The following TMTC1 variants were observed in gnomAD, a reference collection of about 807,000 sequenced individuals.
TMTC1 encodes the protein protein O-mannosyl-transferase TMTC1.
In TMTC1, 73 loss-of-function variants were observed where a neutral mutation model predicts 104.8. That is an observed-to-expected ratio of 0.70 (90% CI 0.58 to 0.85). The LOEUF (loss-of-function observed/expected upper bound fraction) is 0.85, where lower values mean the gene tolerates loss of function less well. Among genes scored for constraint, TMTC1 ranks in the 40% least tolerant of loss-of-function variants. The probability of loss-of-function intolerance (pLI) is 0.00; values close to 1 mark genes in which losing one functional copy is unlikely to be tolerated. For missense variants in TMTC1, 1,035 were observed against 1,096.1 expected, an observed-to-expected ratio of 0.94 and a Z score of 0.79; for synonymous variants, 434 against 428.7, an observed-to-expected ratio of 1.01 and a Z score of -0.15.
chr12:29,722,793 C>T lies in TMTC1; in HGVS notation c.938+28873G>A, dbSNP rs567272630. Among the ~76,000 whole-genome samples the T allele has an allele frequency of 1.1e-3, 165 of 151,744 alleles. No individual in the cohort carries two copies. In the Middle Eastern group the frequency reaches 0.014, roughly 13 times the overall value. On this transcript the variant is annotated intron_variant, in intron 5 of 17. Transcript: ENST00000539277. ...AAAAACAGCAGGGTGTGGTGGCACGCGCCTATAGTCCCAGCTATTTGGGAG... is the reference window on the plus strand; with the variant it reads ...AAAAACAGCAGGGTGTGGTGGCACGTGCCTATAGTCCCAGCTATTTGGGAG...
At chr12:29,701,386 C>T (rs1941590679) in intron 5 of TMTC1, among the ~76,000 whole-genome samples, 1 of 152,192 alleles carries the variant, frequency 6.6e-6, no homozygotes, top group African/African-American at 2.4e-5. Context: ...GAAACTAAGG[C>T]AGGTCCATTC....
chr12:29,602,031 TC>T (rs1946580890), intron 7 of TMTC1, among the ~76,000 whole-genome samples: 1 of 152,020 alleles, frequency 6.6e-6, no homozygotes, highest in Non-Finnish European at 1.5e-5. Context: ...AGACGGGGTT[TC>T]ACTGTGTTAG....
intron 17 of TMTC1, 105 bp from the exon 18 acceptor site, chr12:29,507,091 G>T: frequency 2.2e-6 from 2 of 909,946 alleles, no homozygotes; most frequent in Non-Finnish European, 1.7e-6. Context: ...TTACATTAAT[G>T]TTCTCATATG....
rs770219710 is a variant in TMTC1 at position 29,579,749 on chromosome 12, C to T, written c.1418+3658G>A. On this transcript the variant is annotated intron_variant, in intron 8 of 17. Transcript: ENST00000539277. ...GCCCAACCAGAGCTATGCGGTGATCCACCTACCAGTTCAGCACATAAAACA... is the reference window on the plus strand; with the variant it reads ...GCCCAACCAGAGCTATGCGGTGATCTACCTACCAGTTCAGCACATAAAACA... 5.9e-5 allele frequency among the ~76,000 whole-genome samples: 9 copies of T among 152,146 alleles called. No individual in the cohort carries two copies. In the South Asian group the frequency reaches 1.9e-3, roughly 32 times the overall value.
intron 5 of TMTC1, among the ~76,000 whole-genome samples, chr12:29,735,135 T>C (rs1372316078): frequency 2.0e-5 from 3 of 152,218 alleles, no homozygotes; most frequent in South Asian, 2.1e-4. Flanking sequence ...ACATTCAGCA[T>C]ATAGACCTGC....
intron 5 of TMTC1, among the ~76,000 whole-genome samples, chr12:29,729,927 A>C (rs547269775): frequency 6.6e-6 from 1 of 152,308 alleles, no homozygotes. Context: ...TAAAGGGATA[A>C]ATATAATTTC....
intron 5 of TMTC1, among the ~76,000 whole-genome samples, chr12:29,644,800 C>T (rs578140360): frequency 1.5e-4 from 23 of 152,272 alleles, no homozygotes; most frequent in African/African-American, 5.3e-4. Context: ...GCCTCACCCT[C>T]AAGTTTTACA....
At chr12:29,632,537 A>C (rs934755281) in intron 6 of TMTC1, among the ~76,000 whole-genome samples, 1 of 152,114 alleles carries the variant, frequency 6.6e-6, no homozygotes, top group Non-Finnish European at 1.5e-5. Context: ...CTTGTGAAGA[A>C]GGACATGTTT....
chr12:29,660,869 T>C lies in TMTC1; in HGVS notation c.939-27533A>G, dbSNP rs1361619635. On this transcript the variant is annotated intron_variant, in intron 5 of 17. Coordinates refer to ENST00000539277, the MANE Select transcript of TMTC1 (RefSeq NM_001193451.2). ...ATGGTAAGCAGGAAATTTCTATTGCTGCTTGCTCTCAGATACCTAAAACGG... is the reference window on the plus strand; with the variant it reads ...ATGGTAAGCAGGAAATTTCTATTGCCGCTTGCTCTCAGATACCTAAAACGG... The C allele has an allele frequency of 4.6e-6, 7 of 1,505,944 alleles. No homozygotes were observed. In the South Asian group the frequency reaches 8.9e-5, roughly 19 times the overall value. The allele number at this position is 1,505,944 out of a possible 1,614,324, so 93.3% of individuals were successfully genotyped here.
chr12:29,669,910 G>A (rs952254372), intron 5 of TMTC1, among the ~76,000 whole-genome samples: 1 of 152,158 alleles, frequency 6.6e-6, no homozygotes, highest in African/African-American at 2.4e-5. Flanking sequence ...TACAGATTTA[G>A]ACCTAGGGAG....
intron 1 of TMTC1, among the ~76,000 whole-genome samples, chr12:29,780,136 T>C (rs7312697): frequency 0.62 from 93,588 of 152,070 alleles, 29,289 homozygotes; most frequent in South Asian, 0.73. Flanking sequence ...GGCCCAGCAA[T>C]TGGACTCCTG....
At chr12:29,537,589 T>A (rs1247673915) in intron 10 of TMTC1, among the ~76,000 whole-genome samples, 1 of 152,174 alleles carries the variant, frequency 6.6e-6, no homozygotes, top group Non-Finnish European at 1.5e-5. Context: ...TTGGAGCCTG[T>A]GAGAAATGCA....
At chr12:29,706,896 T>C (rs1386480247) in intron 5 of TMTC1, among the ~76,000 whole-genome samples, 1 of 151,900 alleles carries the variant, frequency 6.6e-6, no homozygotes, top group Admixed American at 6.6e-5. Context: ...AAATCAAATA[T>C]AAAAAACAGC....
chr12:29,767,683 T>C (rs1432305532), intron 2 of TMTC1, among the ~76,000 whole-genome samples: 1 of 142,622 alleles, frequency 7.0e-6, no homozygotes, highest in Non-Finnish European at 1.5e-5. Context: ...ACCAAAATGC[T>C]TTATATATAA....
intron 10 of TMTC1, 116 bp downstream of exon 10, chr12:29,556,741 C>T (rs571354154): frequency 2.2e-6 from 3 of 1,336,954 alleles, no homozygotes; most frequent in East Asian, 4.7e-5. Flanking sequence ...AGTCTGAAAA[C>T]CCTAATTATT....
chr12:29,686,403 T>C (rs1366486633), intron 5 of TMTC1, among the ~76,000 whole-genome samples: 2 of 152,220 alleles, frequency 1.3e-5, no homozygotes, highest in East Asian at 3.8e-4. Flanking sequence ...AGTGTGCTGG[T>C]AAACTGGTTC....
intron 9 of TMTC1, among the ~76,000 whole-genome samples, chr12:29,558,300 A>G (rs765827364): frequency 2.6e-5 from 4 of 152,198 alleles, no homozygotes; most frequent in Non-Finnish European, 5.9e-5. Flanking sequence ...CGGGATCTGT[A>G]CTTGTCAAGC....
intron 3 of TMTC1, 68 bp from the exon 4 acceptor site, chr12:29,755,953 T>A: frequency 2.0e-6 from 3 of 1,480,098 alleles, no homozygotes; most frequent in East Asian, 2.3e-5. Flanking sequence ...TGCCACCTCT[T>A]AAAGATAAGA....
At chr12:29,647,500 C>T (rs1939321984) in intron 5 of TMTC1, among the ~76,000 whole-genome samples, 1 of 152,116 alleles carries the variant, frequency 6.6e-6, no homozygotes, top group Non-Finnish European at 1.5e-5. Flanking sequence ...ATGTTAGGGG[C>T]TATAACGGAT....
Sources: allele counts gnomAD v4.1 joint callset (sites outside exome capture counted in the v4.1 genomes callset), GRCh38; gene constraint gnomAD v4.1.1; transcripts MANE v1.5; gene names NCBI Gene and HGNC (gene_info 2026-07-23, HGNC 2026-07-21).